ITPR2: variants seen among roughly 807,000 people sequenced by gnomAD.
ITPR2 encodes the protein inositol 1,4,5-trisphosphate receptor type 2.
Under a neutral mutation model 317.1 loss-of-function variants are expected in ITPR2, and 207 were observed. The ratio of observed to expected loss-of-function variants is 0.65; its 90% CI spans 0.58 to 0.73. ITPR2 has a LOEUF of 0.73. ITPR2 is among the 30% of genes least tolerant of loss of function. The pLI, the probability that ITPR2 is intolerant of heterozygous loss-of-function variation, is 0.00. For missense variants in ITPR2, 2,613 were observed against 3,284.0 expected (o/e 0.80, Z 4.99); for synonymous variants, 1,156 against 1,149.1 (o/e 1.01, Z -0.12).
chr12:26,678,428 G>GAA (rs34105410), intron 13 of ITPR2, among the ~76,000 whole-genome samples: 33 of 148,594 alleles, frequency 2.2e-4, no homozygotes, highest in East Asian at 1.2e-3. Context: ...GAGAGAGAGA[G>GAA]AAAAAAAAAA....
At chr12:26,671,646 G>A (rs1162800543) in intron 13 of ITPR2, among the ~76,000 whole-genome samples, 2 of 151,572 alleles carry the variant, frequency 1.3e-5, no homozygotes, top group Non-Finnish European at 2.9e-5. Flanking sequence ...ATCAACTAAC[G>A]AGCAAAATAA....
In ITPR2 at chr12:26,686,583, T is replaced by G. The variant is rs772252195; in HGVS notation, c.1046A>C (p.Lys349Thr). Reference protein sequence around the residue: ...TSKKKRQAGEKIMYTLVSVPH... With the variant: ...TSKKKRQAGETIMYTLVSVPH... Reference sequence around the variant, plus strand: ...GACTGAAACCAAAGTATACATGATCTTCTCCCCTGCCTGGCGTTTTTTCTT... The same window carrying G: ...GACTGAAACCAAAGTATACATGATCGTCTCCCCTGCCTGGCGTTTTTTCTT... The change falls in exon 11 of 57, where the codon AAG becomes ACG. Residue 349 changes from lysine (K) to threonine (T), a missense_variant. Lys to Thr is a moderately conservative substitution (Grantham distance 78). Transcript: ENST00000381340. The G allele has an allele frequency of 6.2e-7, 1 of 1,612,154 alleles. No individual in the cohort carries two copies. Among genetic ancestry groups the G allele is most frequent in the Non-Finnish European group, 8.5e-7 (1 of 1,178,870 alleles).
chr12:26,619,527 A>G (rs1946448487), intron 26 of ITPR2, among the ~76,000 whole-genome samples: 1 of 152,150 alleles, frequency 6.6e-6, no homozygotes, highest in Non-Finnish European at 1.5e-5. Flanking sequence ...GAGACATGAA[A>G]TAAGGTGAGG....
At chr12:26,663,938 A>G in intron 14 of ITPR2, 92 bp from the exon 15 acceptor site, 1 of 1,180,282 alleles carries the variant, frequency 8.5e-7, no homozygotes, top group Non-Finnish European at 1.2e-6. Context: ...TTCAAAAAAC[A>G]CTTATATAAA....
chr12:26,532,057 G>T (rs1263533386), intron 37 of ITPR2, among the ~76,000 whole-genome samples: 2 of 152,140 alleles, frequency 1.3e-5, no homozygotes, highest in Non-Finnish European at 2.9e-5. Context: ...ATTTGTGAAA[G>T]GATATTTACA....
Position 26,336,907 on chromosome 12 carries a change from C to T in ITPR2, c.*2490G>A, listed in dbSNP as rs564042904. 6.6e-6 allele frequency: 1 copy of T among 151,452 alleles called. No individual in the cohort carries two copies. The highest frequency in any genetic ancestry group is 1.5e-5 in the Non-Finnish European group (1 of 67,924). The allele number at this position is 151,452 out of a possible 1,614,324, so 9.4% of individuals were successfully genotyped here. A position where few individuals can be genotyped will look rare whatever the true frequency, so the allele number is the denominator to read the frequency against. ...ATCAAATGTCAAATTTCCCCATTAT[C>T]TTCTCCTCTTCTTCATTAGGAATTT... On this transcript the variant is annotated 3_prime_UTR_variant, in exon 57 of 57. Transcript: ENST00000381340.
intron 55 of ITPR2, among the ~76,000 whole-genome samples, chr12:26,349,081 G>C (rs2136555467): frequency 6.6e-6 from 1 of 152,170 alleles, no homozygotes; most frequent in East Asian, 1.9e-4. Context: ...CTAGAAGGTA[G>C]AGACTGTAGT....
At chr12:26,749,577 T>C (rs536631545) in intron 2 of ITPR2, among the ~76,000 whole-genome samples, 1 of 152,350 alleles carries the variant, frequency 6.6e-6, no homozygotes, top group South Asian at 2.1e-4. Context: ...CACAGGATTA[T>C]GTTCGCTTTA....
At chr12:26,374,973 T>A (rs1939293661) in intron 55 of ITPR2, among the ~76,000 whole-genome samples, 1 of 152,236 alleles carries the variant, frequency 6.6e-6, no homozygotes, top group African/African-American at 2.4e-5. Context: ...TTCAGCTTAA[T>A]TGCCATCTTA....
At chr12:26,445,821 T>C (rs527332351) in intron 45 of ITPR2, among the ~76,000 whole-genome samples, 2 of 151,982 alleles carry the variant, frequency 1.3e-5, no homozygotes, top group Non-Finnish European at 2.9e-5. Context: ...ACCCAAGAAA[T>C]AGATGGCAGC....
At chr12:26,659,068 C>A in intron 16 of ITPR2, 45 bp downstream of exon 16, 2 of 1,480,878 alleles carry the variant, frequency 1.4e-6, no homozygotes, top group South Asian at 1.2e-5. Context: ...AAACATAAAG[C>A]CGCAATCTCC....
intron 26 of ITPR2, among the ~76,000 whole-genome samples, chr12:26,618,899 C>T (rs1946431633): frequency 1.3e-5 from 2 of 152,084 alleles, no homozygotes; most frequent in Admixed American, 6.5e-5. Context: ...ATAAATATAC[C>T]TCATATATTT....
At chr12:26,776,712 G>A (rs1401136528) in intron 2 of ITPR2, among the ~76,000 whole-genome samples, 2 of 152,166 alleles carry the variant, frequency 1.3e-5, no homozygotes, top group Non-Finnish European at 2.9e-5. Flanking sequence ...AACTCATGTT[G>A]CCATCAACCT....
chr12:26,479,573 C>T (rs1162015005), intron 43 of ITPR2, among the ~76,000 whole-genome samples: 1 of 152,050 alleles, frequency 6.6e-6, no homozygotes, highest in African/African-American at 2.4e-5. Flanking sequence ...GATAAAACAA[C>T]AAAAATTTTT....
intron 15 of ITPR2, among the ~76,000 whole-genome samples, chr12:26,661,269 T>TGGGGGGGGG (rs1332276817): frequency 1.5e-4 from 1 of 6,748 alleles, no homozygotes; most frequent in Admixed American, 2.6e-3. Context: ...GGTAGGGGTG[T>TGGGGGGGGG]GTGTGTGGGG....
chr12:26,602,018 A>G (rs1458226705), intron 28 of ITPR2, among the ~76,000 whole-genome samples: 1 of 152,250 alleles, frequency 6.6e-6, no homozygotes, highest in Non-Finnish European at 1.5e-5. Context: ...GGGAGTTCCC[A>G]CATGAAGAGA....
At chr12:26,401,881 C>T (rs980100475) in intron 52 of ITPR2, among the ~76,000 whole-genome samples, 1 of 152,132 alleles carries the variant, frequency 6.6e-6, no homozygotes, top group African/African-American at 2.4e-5. Flanking sequence ...TGGGATACAC[C>T]TTGAGAGGAG....
At chr12:26,635,393 C>T (rs1485032497) in intron 21 of ITPR2, among the ~76,000 whole-genome samples, 1 of 152,154 alleles carries the variant, frequency 6.6e-6, no homozygotes, top group African/African-American at 2.4e-5. Context: ...CTTATGAACA[C>T]ATAAGAAAAT....
At chr12:26,472,633 T>G (rs1476300124) in intron 45 of ITPR2, among the ~76,000 whole-genome samples, 2 of 152,226 alleles carry the variant, frequency 1.3e-5, no homozygotes. Context: ...TTTGGGCAAT[T>G]CCACCATCAT....
Sources: allele counts gnomAD v4.1 joint callset (sites outside exome capture counted in the v4.1 genomes callset), GRCh38; gene constraint gnomAD v4.1.1; transcripts MANE v1.5; gene names NCBI Gene and HGNC (gene_info 2026-07-23, HGNC 2026-07-21).